The following SLC24A2 variants were observed in gnomAD, a reference collection of about 807,000 sequenced individuals.
The protein encoded by SLC24A2 is sodium/potassium/calcium exchanger 2.
SLC24A2 carries 36 observed loss-of-function variants against 62.0 expected under a neutral mutation model. That is an observed-to-expected ratio of 0.58 (90% confidence interval 0.44 to 0.77). The LOEUF is 0.77. Among genes scored for constraint, SLC24A2 ranks in the 30% least tolerant of loss-of-function variants. SLC24A2 has a pLI of 0.00. For missense variants in SLC24A2, 846 were observed against 817.9 expected (o/e 1.03, Z -0.42); for synonymous variants, 358 against 294.0 (o/e 1.22, Z -2.23).
At chr9:19,563,930 T>C (rs1318096729) in intron 7 of SLC24A2, among the ~76,000 whole-genome samples, 2 of 148,372 alleles carry the variant, frequency 1.3e-5, no homozygotes, top group African/African-American at 4.9e-5. Flanking sequence ...CATGGCTCAT[T>C]GCAGCCTCTG....
intron 2 of SLC24A2, among the ~76,000 whole-genome samples, chr9:19,684,235 G>A (rs142441684): frequency 1.6e-4 from 25 of 152,130 alleles, no homozygotes; most frequent in African/African-American, 5.8e-4. Flanking sequence ...CTCCTTGGAC[G>A]ATGTGGTTTG....
intron 7 of SLC24A2, among the ~76,000 whole-genome samples, chr9:19,551,114 C>T (rs543116692): frequency 6.2e-4 from 95 of 152,342 alleles, no homozygotes; most frequent in African/African-American, 1.7e-3. Flanking sequence ...ACCGACCTCT[C>T]TTCATTTCTC....
At chr9:20,152,203 T>A in the SLC24A2 span, among the ~76,000 whole-genome samples, 7 of 151,902 alleles carry the variant, frequency 4.6e-5, no homozygotes, top group Admixed American at 4.6e-4. Flanking sequence ...ACAAATATTA[T>A]ATGAAGAGGG....
At chr9:19,798,598 C>CCACACACACACACA in the SLC24A2 span, among the ~76,000 whole-genome samples, 15 of 146,554 alleles carry the variant, frequency 1.0e-4, no homozygotes, top group South Asian at 2.2e-4. Flanking sequence ...ATCCTTTATA[C>CCACACACACACACA]CACACACACA....
the SLC24A2 span, among the ~76,000 whole-genome samples, chr9:20,296,675 T>C: frequency 6.6e-6 from 1 of 152,246 alleles, no homozygotes; most frequent in African/African-American, 2.4e-5. Flanking sequence ...TGACCCACTG[T>C]GGTTTTTGTT....
At chr9:19,868,034 G>A in the SLC24A2 span, among the ~76,000 whole-genome samples, 1 of 151,026 alleles carries the variant, frequency 6.6e-6, no homozygotes, top group Non-Finnish European at 1.5e-5. Flanking sequence ...GCTTGTTTTG[G>A]GTTTATTGTG....
chr9:19,845,143 C>T, the SLC24A2 span, among the ~76,000 whole-genome samples: 4 of 152,200 alleles, frequency 2.6e-5, no homozygotes, highest in African/African-American at 7.2e-5. Context: ...TTCCAATCCA[C>T]GAGCATGGAA....
At chr9:19,912,495 T>C in the SLC24A2 span, among the ~76,000 whole-genome samples, 2 of 152,278 alleles carry the variant, frequency 1.3e-5, no homozygotes, top group East Asian at 3.9e-4. Context: ...TTCTCTGCTC[T>C]CTACAGTACA....
chr9:19,919,105 C>T, the SLC24A2 span, among the ~76,000 whole-genome samples: 1 of 152,078 alleles, frequency 6.6e-6, no homozygotes, highest in Non-Finnish European at 1.5e-5. Context: ...CCAGAAAGTA[C>T]CTAGAAAGCT....
the SLC24A2 span, among the ~76,000 whole-genome samples, chr9:20,002,481 T>C: frequency 6.7e-6 from 1 of 148,858 alleles, no homozygotes; most frequent in Non-Finnish European, 1.5e-5. Flanking sequence ...ACAAAAGGAG[T>C]GTCACTGCAC....
rs558711017 is a variant in SLC24A2 at position 19,544,892 on chromosome 9, T to G, written c.1479+5245A>C. ...TTCATTTCAACTTTGGTGAATCTGA[T>G]GATTATGTGTCTTGGGGTTGCTCTT... is the stretch of plus-strand genomic sequence containing the variant. On this transcript the variant is annotated intron_variant, in intron 8 of 10. Coordinates refer to ENST00000341998, the MANE Select transcript of SLC24A2 (RefSeq NM_020344.4). 1.2e-3 allele frequency among the ~76,000 whole-genome samples: 182 copies of G among 152,300 alleles called. 1 individual carries two copies. The highest frequency in any genetic ancestry group is 4.1e-3 in the African/African-American group (171 of 41,570).
chr9:20,140,075 C>T, the SLC24A2 span, among the ~76,000 whole-genome samples: 4 of 152,278 alleles, frequency 2.6e-5, no homozygotes, highest in South Asian at 8.3e-4. Context: ...GAGAATACAA[C>T]CCTAAGGAAC....
At chr9:19,850,970 T>TATATATATATATACATAC in the SLC24A2 span, among the ~76,000 whole-genome samples, 1 of 47,314 alleles carries the variant, frequency 2.1e-5, no homozygotes, top group African/African-American at 9.6e-5. Context: ...TATATATGTA[T>TATATATATATATACATAC]ATATATATAT....
Position 19,536,983 on chromosome 9 carries a change from G to A in SLC24A2, c.1480-8845C>T, listed in dbSNP as rs1162304285. 8.1e-5 allele frequency among the ~76,000 whole-genome samples: 11 copies of A among 136,564 alleles called. 1 individual carries two copies. The South Asian group carries it at 2.3e-3, about 28-fold the overall frequency. 89.6% of individuals were successfully genotyped at this position (136,564 alleles called of 152,430 possible). On this transcript the variant is annotated intron_variant, in intron 8 of 10. Transcript: ENST00000341998. ...ATGAGCATTTTTTCATGTGTTTTTT[G>A]GCTGCATAAATGTCTTCTTTTGAGA...
the SLC24A2 span, among the ~76,000 whole-genome samples, chr9:20,269,179 G>T: frequency 6.6e-6 from 1 of 152,100 alleles, no homozygotes; most frequent in East Asian, 1.9e-4. Context: ...GGTCTTAGCC[G>T]TGAAGGAGTC....
At chr9:20,061,222 A>G in the SLC24A2 span, among the ~76,000 whole-genome samples, 1 of 152,220 alleles carries the variant, frequency 6.6e-6, no homozygotes, top group African/African-American at 2.4e-5. Context: ...TATTCATATA[A>G]AGATAGACCT....
At chr9:20,133,053 T>C in the SLC24A2 span, among the ~76,000 whole-genome samples, 3 of 152,114 alleles carry the variant, frequency 2.0e-5, no homozygotes, top group African/African-American at 4.8e-5. Context: ...CCTTATTCTG[T>C]TCACTTTAAC....
At chr9:19,968,855 A>G in the SLC24A2 span, among the ~76,000 whole-genome samples, 8 of 152,362 alleles carry the variant, frequency 5.3e-5, no homozygotes, top group South Asian at 8.3e-4. Context: ...TCATTTATAT[A>G]AATGGAAAAT....
chr9:19,982,867 A>C, the SLC24A2 span, among the ~76,000 whole-genome samples: 1 of 152,216 alleles, frequency 6.6e-6, no homozygotes, highest in Non-Finnish European at 1.5e-5. Context: ...AGAATCATCC[A>C]ACATAAGAAA....
Sources: allele counts gnomAD v4.1 joint callset (sites outside exome capture counted in the v4.1 genomes callset), GRCh38; gene constraint gnomAD v4.1.1; transcripts MANE v1.5; gene names NCBI Gene and HGNC (gene_info 2026-07-23, HGNC 2026-07-21).